UNC5C: variants seen among roughly 807,000 people sequenced by gnomAD.
UNC5C encodes unc-5 netrin receptor C, also known as netrin receptor UNC5C.
Under a neutral mutation model 99.8 loss-of-function variants are expected in UNC5C, and 47 were observed. The observed-to-expected ratio is 0.47, with a 90% CI of 0.37 to 0.60. The LOEUF is 0.60. Ranked by LOEUF, UNC5C falls within the 20% of genes least tolerant of loss-of-function variation. The pLI is 0.00. For missense variants in UNC5C, 1,062 were observed against 1,165.9 expected (o/e 0.91, Z 1.30); for synonymous variants, 487 against 452.2 (o/e 1.08, Z -0.98).
chr4:95,447,984 T>C (rs953431903), intron 1 of UNC5C, among the ~76,000 whole-genome samples: 9 of 152,092 alleles, frequency 5.9e-5, no homozygotes, highest in African/African-American at 1.4e-4. Flanking sequence ...GAAAGGGCTT[T>C]CATCAGTAGA....
intron 1 of UNC5C, among the ~76,000 whole-genome samples, chr4:95,484,598 C>G (rs1222990727): frequency 6.6e-6 from 1 of 151,816 alleles, no homozygotes; most frequent in Non-Finnish European, 1.5e-5. Flanking sequence ...ATGGTTCAGC[C>G]TCTGTCAGAC....
intron 7 of UNC5C, among the ~76,000 whole-genome samples, chr4:95,225,407 G>A (rs937641121): frequency 1.3e-5 from 2 of 151,998 alleles, no homozygotes; most frequent in Non-Finnish European, 2.9e-5. Flanking sequence ...TCCTGTGATC[G>A]AATGTCATTT....
intron 2 of UNC5C, among the ~76,000 whole-genome samples, chr4:95,332,694 T>C (rs1333197145): frequency 6.7e-6 from 1 of 148,324 alleles, no homozygotes; most frequent in Non-Finnish European, 1.5e-5. Flanking sequence ...CCAAAAGCAA[T>C]GGCAACAAAA....
chr4:95,334,596 C>T (rs1167448019), intron 2 of UNC5C, among the ~76,000 whole-genome samples: 1 of 151,924 alleles, frequency 6.6e-6, no homozygotes. Context: ...AAAAGAACTC[C>T]AGGAGATTCC....
rs1735730564 is a variant in UNC5C at position 95,162,924 on chromosome 4, C to G, written c.*6310G>C. On this transcript the variant is annotated 3_prime_UTR_variant, in exon 16 of 16. Transcript: ENST00000453304. Reference sequence around the variant, plus strand: ...CAAAGGGGACAGTAGGTGGATGACACTGCCTCTTCAACACGACTGCTGGGG... The same window carrying G: ...CAAAGGGGACAGTAGGTGGATGACAGTGCCTCTTCAACACGACTGCTGGGG... 1 of 152,218 alleles carries G rather than the reference C, an allele frequency of 6.6e-6. No homozygotes were observed. Among genetic ancestry groups the G allele is most frequent in the African/African-American group, 2.4e-5 (1 of 41,450 alleles). The allele number at this position is 152,218 out of a possible 1,614,324, so 9.4% of individuals were successfully genotyped here. A position where few individuals can be genotyped will look rare whatever the true frequency, so the allele number is the denominator to read the frequency against.
At chr4:95,303,661 C>A (rs577641210) in intron 2 of UNC5C, among the ~76,000 whole-genome samples, 24 of 152,166 alleles carry the variant, frequency 1.6e-4, no homozygotes, top group Middle Eastern at 3.4e-3. Context: ...GGGCAATGAG[C>A]GAGACTTTGT....
At chr4:95,374,476 C>T (rs900144820) in intron 1 of UNC5C, among the ~76,000 whole-genome samples, 6 of 152,070 alleles carry the variant, frequency 3.9e-5, no homozygotes, top group South Asian at 2.1e-4. Flanking sequence ...CTGTCCACAC[C>T]CCTTACAAGC....
chr4:95,303,662 G>A (rs1416321589), intron 2 of UNC5C, among the ~76,000 whole-genome samples: 1 of 152,140 alleles, frequency 6.6e-6, no homozygotes, highest in African/African-American at 2.4e-5. Flanking sequence ...GGCAATGAGC[G>A]AGACTTTGTC....
At chr4:95,449,138 CCA>C (rs772128168) in intron 1 of UNC5C, among the ~76,000 whole-genome samples, 3 of 152,108 alleles carry the variant, frequency 2.0e-5, no homozygotes, top group Admixed American at 6.6e-5. Flanking sequence ...CTGGCAGGAC[CCA>C]GAGGGAACAT....
chr4:95,272,894 C>A (rs1740711774), intron 4 of UNC5C, among the ~76,000 whole-genome samples: 2 of 152,104 alleles, frequency 1.3e-5, no homozygotes, highest in South Asian at 4.2e-4. Context: ...ATATGAAGTT[C>A]CTATTATGGA....
intron 7 of UNC5C, among the ~76,000 whole-genome samples, chr4:95,222,823 T>G (rs1419643742): frequency 6.6e-6 from 1 of 152,192 alleles, no homozygotes; most frequent in Non-Finnish European, 1.5e-5. Context: ...TTTCTGTTGT[T>G]TCTTGCCCCC....
chr4:95,465,577 A>T (rs761977318), intron 1 of UNC5C, among the ~76,000 whole-genome samples: 1 of 152,102 alleles, frequency 6.6e-6, no homozygotes, highest in Non-Finnish European at 1.5e-5. Context: ...TCCTTTCTGA[A>T]CAGATTTGGT....
Position 95,167,428 on chromosome 4 carries a change from A to T in UNC5C, c.*1806T>A, listed in dbSNP as rs960715830. ...TTTTGCAGGACAAAAGTTTTTAAAG[A>T]GCTAACTAGACAGCTTTTATAAATG... On this transcript the variant is annotated 3_prime_UTR_variant, in exon 16 of 16. Coordinates refer to ENST00000453304, the MANE Select transcript of UNC5C (RefSeq NM_003728.4). 6.6e-6 allele frequency: 1 copy of T among 152,200 alleles called. No individual in the cohort carries two copies. Among genetic ancestry groups the T allele is most frequent in the Non-Finnish European group, 1.5e-5 (1 of 68,032 alleles). 9.4% of individuals were successfully genotyped at this position (152,200 alleles called of 1,614,324 possible).
chr4:95,328,063 T>TTTTTTTTTTTTTTTTTTTA (rs1560788166), intron 2 of UNC5C, among the ~76,000 whole-genome samples: 1 of 34,384 alleles, frequency 2.9e-5, no homozygotes, highest in East Asian at 6.0e-3. Flanking sequence ...TTTTTTTTAA[T>TTTTTTTTTTTTTTTTTTTA]TTTTTTTTTT....
At chr4:95,324,352 T>C (rs1277392232) in intron 2 of UNC5C, among the ~76,000 whole-genome samples, 1 of 152,192 alleles carries the variant, frequency 6.6e-6, no homozygotes, top group Non-Finnish European at 1.5e-5. Context: ...CACCCCCAGA[T>C]AGGACTGTTG....
At chr4:95,328,062 A>T (rs866059798) in intron 2 of UNC5C, among the ~76,000 whole-genome samples, 503 of 86,338 alleles carry the variant, frequency 5.8e-3, no homozygotes, top group Middle Eastern at 0.022. Context: ...TTTTTTTTTA[A>T]TTTTTTTTTT....
At chr4:95,345,417 C>T (rs1029465814) in intron 1 of UNC5C, among the ~76,000 whole-genome samples, 3 of 151,862 alleles carry the variant, frequency 2.0e-5, no homozygotes, top group Non-Finnish European at 4.4e-5. Flanking sequence ...CTGGAAACTG[C>T]AACACCCTAC....
chr4:95,470,128 A>G (rs570821379), intron 1 of UNC5C, among the ~76,000 whole-genome samples: 5 of 152,196 alleles, frequency 3.3e-5, no homozygotes, highest in Non-Finnish European at 5.9e-5. Flanking sequence ...TGTATATTTT[A>G]TGATAGTAAA....
intron 6 of UNC5C, among the ~76,000 whole-genome samples, chr4:95,243,232 A>T (rs1232961735): frequency 2.0e-5 from 3 of 151,962 alleles, no homozygotes; most frequent in Admixed American, 2.0e-4. Context: ...TTCTGTTTCT[A>T]TTTTTATTAA....
Sources: gnomAD v4.1 joint callset for allele counts (sites outside exome capture counted in the v4.1 genomes callset) on GRCh38, gnomAD v4.1.1 for gene constraint, MANE v1.5 for transcripts, NCBI Gene and HGNC (gene_info 2026-07-23, HGNC 2026-07-21) for gene names.